Variants in FAM83G observed in about 807,000 individuals in gnomAD.
FAM83G encodes the protein protein FAM83G.
In FAM83G, 38 loss-of-function variants were observed where a neutral mutation model predicts 61.5. The ratio of observed to expected loss-of-function variants is 0.62; its 90% CI spans 0.48 to 0.81. The LOEUF is 0.81. Among genes scored for constraint, FAM83G ranks in the 30% least tolerant of loss-of-function variants. The pLI is 0.00. For missense variants in FAM83G, 989 were observed against 1,133.6 expected, an observed-to-expected ratio of 0.87 and a Z score of 1.83; for synonymous variants, 470 against 476.1, an observed-to-expected ratio of 0.99 and a Z score of 0.17.
chr17:18,993,867 C>A (rs1471262830), intron 2 of FAM83G, among the ~76,000 whole-genome samples: 1 of 152,178 alleles, frequency 6.6e-6, no homozygotes, highest in African/African-American at 2.4e-5. Context: ...TAATAACAAT[C>A]CCCACCCACA....
intron 3 of FAM83G, 102 bp downstream of exon 3, chr17:18,988,145 G>C: frequency 6.7e-7 from 1 of 1,495,828 alleles, no homozygotes; most frequent in Non-Finnish European, 9.0e-7. Flanking sequence ...TGAGTGCCTG[G>C]CACAGGACTC....
intron 5 of FAM83G, 92 bp downstream of exon 5, chr17:18,977,492 G>A: frequency 7.9e-7 from 1 of 1,268,992 alleles, no homozygotes; most frequent in Non-Finnish European, 1.1e-6. Context: ...TCAGAGTCAG[G>A]GACATGGTAG....
intron 3 of FAM83G, among the ~76,000 whole-genome samples, chr17:18,981,916 C>T (rs994097416): frequency 6.6e-6 from 1 of 152,146 alleles, no homozygotes; most frequent in Non-Finnish European, 1.5e-5. Context: ...GGAGGTGGTA[C>T]GAGGCCTTCC....
At chr17:19,005,187 G>T (rs994399079), upstream of FAM83G, among the ~76,000 whole-genome samples, 3 of 152,214 alleles carry the variant, frequency 2.0e-5, no homozygotes, top group Non-Finnish European at 4.4e-5. Flanking sequence ...CCCAGGCAGG[G>T]ATAGGGCACT....
At chr17:18,987,162 C>T (rs996819911) in intron 3 of FAM83G, among the ~76,000 whole-genome samples, 3 of 152,230 alleles carry the variant, frequency 2.0e-5, no homozygotes, top group African/African-American at 4.8e-5. Context: ...GCCCCTTCTC[C>T]TAGGACCACA....
At chr17:18,990,014 C>G (rs532399260) in intron 2 of FAM83G, among the ~76,000 whole-genome samples, 1 of 152,326 alleles carries the variant, frequency 6.6e-6, no homozygotes, top group Admixed American at 6.5e-5. Flanking sequence ...GCCTAGGGTT[C>G]TCTCTGTTCT....
In FAM83G at chr17:18,978,344, G is replaced by A. The variant is rs781645582; in HGVS notation, c.1322C>T (p.Pro441Leu). Residue 441 changes from proline (P) to leucine (L), a missense_variant, in exon 5 of 6, where the codon CCC becomes CTC. This residue lies in a region of FAM83G where 574 missense variants were observed against 645.1 expected (regional missense o/e 0.89). Transcript: ENST00000388995. ...GATCTTGATGCGGTTCATCTGGCTG[G>A]GCTGGGGGTTCCAGATGTTGGGGTC... Reference protein sequence around the residue: ...IIDPNIWNPQPSQMNRIKIRD... With the variant: ...IIDPNIWNPQLSQMNRIKIRD... 23 of 1,603,192 alleles carry A rather than the reference G, an allele frequency of 1.4e-5. No individual in the cohort carries two copies. Among genetic ancestry groups the A allele is most frequent in the Non-Finnish European group, 2.0e-5 (23 of 1,175,230 alleles).
chr17:18,969,204 G>A lies in FAM83G; in HGVS notation c.*2155C>T. The A allele has an allele frequency of 6.3e-7, 1 of 1,598,962 alleles. No individual in the cohort carries two copies. The highest frequency in any genetic ancestry group is 8.5e-7 in the Non-Finnish European group (1 of 1,170,396). ...GGTCCACCCAGGGGACGTGTAAAGG[G>A]GTCAGAAGGCCACCTCCCCCTACAG... On this transcript the variant is annotated 3_prime_UTR_variant, in exon 6 of 6. Coordinates refer to ENST00000388995, the MANE Select transcript of FAM83G (RefSeq NM_001039999.3).
chr17:18,984,144 C>T (rs1441308849), intron 3 of FAM83G, among the ~76,000 whole-genome samples: 4 of 152,170 alleles, frequency 2.6e-5, no homozygotes, highest in African/African-American at 9.6e-5. Context: ...AGATCGAGAC[C>T]ATCCTGGCTA....
chr17:18,981,781 G>A (rs1187797908), intron 3 of FAM83G, among the ~76,000 whole-genome samples: 2 of 151,788 alleles, frequency 1.3e-5, no homozygotes, highest in East Asian at 2.0e-4. Flanking sequence ...CCCCCACCCC[G>A]CAGGCTGCAG....
At position 18,978,804 on chromosome 17, in the gene FAM83G, G is replaced by A. The variant is rs754610223; in HGVS notation, c.862C>T (p.Leu288=). The change falls in exon 5 of 6, where the codon CTG becomes TTG. Residue 288 remains leucine, a synonymous_variant. Coordinates refer to ENST00000388995, the MANE Select transcript of FAM83G (RefSeq NM_001039999.3). ...AACATCTCCACCACCTGGCCAGACAGCACAGAGATCACATTCCGGTCCGTC... is the reference window on the plus strand; with the variant it reads ...AACATCTCCACCACCTGGCCAGACAACACAGAGATCACATTCCGGTCCGTC... ...ARTDRNVISV[L]SGQVVEMFDR... 4 of 1,612,984 alleles carry A rather than the reference G, an allele frequency of 2.5e-6. No individual in the cohort carries two copies. The highest frequency in any genetic ancestry group is 3.4e-6 in the Non-Finnish European group (4 of 1,180,020).
chr17:18,985,525 C>T (rs991672932), intron 3 of FAM83G, among the ~76,000 whole-genome samples: 3 of 152,140 alleles, frequency 2.0e-5, no homozygotes, highest in Admixed American at 1.3e-4. Flanking sequence ...GGATTATCGG[C>T]AAAGGAAGTG....
Position 18,978,821 on chromosome 17 carries a change from C to T in FAM83G, c.845G>A (p.Arg282Gln), listed in dbSNP as rs758338977. The T allele has an allele frequency of 1.4e-5, 23 of 1,612,684 alleles. No individual in the cohort carries two copies. The highest frequency in any genetic ancestry group is 3.3e-5 in the South Asian group (3 of 91,084). The change falls in exon 5 of 6, where the codon CGG (arginine) becomes CAG (glutamine). Residue 282 changes from arginine (R) to glutamine (Q), a missense_variant. Physicochemically the swap from Arg to Gln is conservative, Grantham distance 43. Transcript: ENST00000388995. ...SFTWSAARTDRNVISVLSGQV... is the reference protein window; with the variant it reads ...SFTWSAARTDQNVISVLSGQV... The stretch of plus-strand genomic sequence containing the variant: ...GCCAGACAGCACAGAGATCACATTC[C>T]GGTCCGTCCGCGCGGCCGACCACGT...
In FAM83G at chr17:19,004,292, G is replaced by T; in HGVS notation, c.-128-123C>A. The T allele has an allele frequency of 2.1e-6, 1 of 483,164 alleles. No individual in the cohort carries two copies. The allele number at this position is 483,164 out of a possible 1,614,324, so 29.9% of individuals were successfully genotyped here. A position where few individuals can be genotyped will look rare whatever the true frequency, so the allele number is the denominator to read the frequency against. On this transcript the variant is annotated intron_variant, in intron 1 of 5. Transcript: ENST00000388995. This position sits in a 1 kb window ranked among gnomAD's most constrained non-coding sequence, Gnocchi z 5.4. ...AGGACGGGGCTGGGGCTGGGGCTGGGAAGATGAGGTGGGGGCACTGGACTG... is the reference window on the plus strand; with the variant it reads ...AGGACGGGGCTGGGGCTGGGGCTGGTAAGATGAGGTGGGGGCACTGGACTG...
intron 3 of FAM83G, among the ~76,000 whole-genome samples, chr17:18,984,554 T>G (rs1269310726): frequency 1.3e-5 from 2 of 152,200 alleles, no homozygotes; most frequent in East Asian, 1.9e-4. Flanking sequence ...AGCTGATGCT[T>G]CTTTGTTCAT....
rs1268192687 is a variant in FAM83G at position 18,971,137 on chromosome 17, C to A, written c.*222G>T. 1.2e-6 allele frequency: 2 copies of A among 1,614,020 alleles called. No homozygotes were observed. Among genetic ancestry groups the A allele is most frequent in the Admixed American group, 3.3e-5 (2 of 60,012 alleles). On this transcript the variant is annotated 3_prime_UTR_variant, in exon 6 of 6. Transcript: ENST00000388995. The surrounding 1 kb of genome is among the most constrained non-coding windows in gnomAD (Gnocchi z 5.5). ...CAGACGCCATGCACATGTTTCGAGA[C>A]CCCCACACAGGGGACCTGCCGTGGA... is the stretch of plus-strand genomic sequence containing the variant.
intron 2 of FAM83G, among the ~76,000 whole-genome samples, chr17:19,002,376 C>T (rs1016521349): frequency 1.3e-5 from 2 of 152,236 alleles, no homozygotes; most frequent in Admixed American, 6.5e-5. Flanking sequence ...GGGGCCAGGG[C>T]CAGGGGCCAC....
At chr17:18,976,979 A>G (rs2042996352) in intron 5 of FAM83G, 2 of 1,612,608 alleles carry the variant, frequency 1.2e-6, no homozygotes. Flanking sequence ...TCAGCCGCGC[A>G]TTGTTCCCAG....
intron 5 of FAM83G, among the ~76,000 whole-genome samples, chr17:18,974,218 G>T (rs959120185): frequency 6.6e-6 from 1 of 152,062 alleles, no homozygotes; most frequent in Non-Finnish European, 1.5e-5. Flanking sequence ...TAGAAATGGG[G>T]TTTCACCATG....
Sources: gnomAD v4.1 joint callset for allele counts (sites outside exome capture counted in the v4.1 genomes callset) on GRCh38, gnomAD v4.1.1 for gene constraint, gnomAD v4.1.1 regional missense constraint, Gnocchi (gnomAD v3.1) non-coding constraint, MANE v1.5 for transcripts, NCBI Gene and HGNC (gene_info 2026-07-23, HGNC 2026-07-21) for gene names.